Variants in CFAP100 observed in about 807,000 individuals in gnomAD.
The protein encoded by CFAP100 is cilia- and flagella-associated protein 100.
CFAP100 carries 70 observed loss-of-function variants against 81.5 expected under a neutral mutation model. The ratio of observed to expected loss-of-function variants is 0.86; its 90% confidence interval spans 0.71 to 1.05. The LOEUF (loss-of-function observed/expected upper bound fraction) is 1.05, where lower values mean the gene tolerates loss of function less well. Among genes scored for constraint, CFAP100 ranks in the 50% least tolerant of loss-of-function variants. The probability of loss-of-function intolerance (pLI) is 0.00; values close to 1 mark genes in which losing one functional copy is unlikely to be tolerated. For missense variants in CFAP100, 811 were observed against 776.5 expected (o/e 1.04, Z -0.53); for synonymous variants, 341 against 314.8 (o/e 1.08, Z -0.88).
chr3:126,423,764 G>C, intron 13 of CFAP100, 120 bp downstream of exon 13: 12 of 1,252,174 alleles, frequency 9.6e-6, no homozygotes, highest in Non-Finnish European at 1.3e-5. Flanking sequence ...GCCTGGTCCA[G>C]GTTGTCTGAA....
Position 126,436,484 on chromosome 3 carries a change from A to G in CFAP100, c.*80A>G, listed in dbSNP as rs1933451853. On this transcript the variant is annotated 3_prime_UTR_variant, in exon 17 of 17. Transcript: ENST00000352312. ...GAAGCAGAGACTGGGCTGGGTCTCG[A>G]GTGGCCCAACTGAGTCCTCTCTGTC... 1 of 1,044,796 alleles carries G rather than the reference A, an allele frequency of 9.6e-7. No homozygotes were observed. The highest frequency in any genetic ancestry group is 1.5e-6 in the Non-Finnish European group (1 of 689,016). 64.7% of individuals were successfully genotyped at this position (1,044,796 alleles called of 1,614,324 possible). A position where few individuals can be genotyped will look rare whatever the true frequency, so the allele number is the denominator to read the frequency against.
At chr3:126,396,971 G>A (rs2082899601) in intron 2 of CFAP100, among the ~76,000 whole-genome samples, 1 of 152,172 alleles carries the variant, frequency 6.6e-6, no homozygotes, top group Admixed American at 6.5e-5. Flanking sequence ...CCCTGTCAAA[G>A]GCATACAGTG....
At chr3:126,414,385 C>A in intron 4 of CFAP100, 1 of 675,498 alleles carries the variant, frequency 1.5e-6, no homozygotes, top group South Asian at 1.6e-5. Context: ...ATCTTCCCGT[C>A]TGTCACCACT....
chr3:126,399,584 GTCTC>G (rs906160697), intron 2 of CFAP100, among the ~76,000 whole-genome samples: 5 of 152,142 alleles, frequency 3.3e-5, no homozygotes, highest in African/African-American at 1.2e-4. Flanking sequence ...AAACCAGTTT[GTCTC>G]TGTTCACCAG....
chr3:126,411,340 T>C (rs1198080774), intron 3 of CFAP100, among the ~76,000 whole-genome samples: 1 of 150,408 alleles, frequency 6.6e-6, no homozygotes, highest in Non-Finnish European at 1.5e-5. Context: ...AACTGGTCTG[T>C]AGTTTTTTTT....
rs78360289 is a variant in CFAP100 at position 126,423,346 on chromosome 3, C to T, written c.1104C>T (p.Pro368=). Residue 368 remains proline (P), a synonymous_variant, in exon 12 of 17, where the codon CCC becomes CCT. Transcript: ENST00000352312. ...DSRGSNSPIP[P]TQEDTDSDGE... ...GCAGGTCGAACTCTCCCATCCCCCC[C>T]ACGCAGGAGGACACCGACAGCGATG... 2,508 of 1,613,632 alleles carry T rather than the reference C, an allele frequency of 1.6e-3. 34 individuals are homozygous for T. In the African/African-American group the frequency reaches 0.026, roughly 17 times the overall value.
rs182486140 is a variant in CFAP100, at chr3:126,416,538, G to A, written c.418+30G>A. 2.6e-5 allele frequency: 39 copies of A among 1,503,158 alleles called. 1 individual carries two copies. In the South Asian group the frequency reaches 3.6e-4, roughly 14 times the overall value. The allele number at this position is 1,503,158 out of a possible 1,614,324, so 93.1% of individuals were successfully genotyped here. ...GTCCCCTCCGGCGCGGGGGGACCTG[G>A]GCCAGTGGCGTCCCACAACCGCAGC... is the stretch of plus-strand genomic sequence containing the variant. On this transcript the variant is annotated intron_variant, in intron 5 of 16. Coordinates refer to ENST00000352312, the MANE Select transcript of CFAP100 (RefSeq NM_182628.3).
chr3:126,422,872 G>C (rs1327458702), intron 11 of CFAP100, among the ~76,000 whole-genome samples: 2 of 152,202 alleles, frequency 1.3e-5, no homozygotes, highest in East Asian at 1.9e-4. Context: ...CAGGTGCAGA[G>C]GCCTGGGGTA....
intron 2 of CFAP100, among the ~76,000 whole-genome samples, chr3:126,398,329 C>T (rs2082920628): frequency 6.6e-6 from 1 of 152,194 alleles, no homozygotes; most frequent in African/African-American, 2.4e-5. Flanking sequence ...TCCCTCTGGG[C>T]CAGAACCCTG....
In CFAP100 at chr3:126,419,059, C is replaced by A; in HGVS notation, c.651-17C>A. The stretch of plus-strand genomic sequence containing the variant: ...CCCCTTGCCCCCATCCCTCCTCCCC[C>A]GCCGCCCAACCCCTAGGGCTGAGAA... On this transcript the variant is annotated splice_polypyrimidine_tract_variant and intron_variant, in intron 7 of 16. Transcript: ENST00000352312. 2.7e-6 allele frequency: 4 copies of A among 1,464,164 alleles called. No homozygotes were observed. Among genetic ancestry groups the A allele is most frequent in the Admixed American group, 2.2e-5 (1 of 44,614 alleles). 90.7% of individuals were successfully genotyped at this position (1,464,164 alleles called of 1,614,324 possible). A position where few individuals can be genotyped will look rare whatever the true frequency, so the allele number is the denominator to read the frequency against.
At chr3:126,411,644 A>G (rs2083158501) in intron 3 of CFAP100, among the ~76,000 whole-genome samples, 1 of 151,472 alleles carries the variant, frequency 6.6e-6, no homozygotes, top group South Asian at 2.1e-4. Flanking sequence ...AATCTAGGAG[A>G]GTTGTGTGTT....
In CFAP100 at chr3:126,416,336, G is replaced by C; in HGVS notation, c.246G>C (p.Thr82=). 2 of 1,597,908 alleles carry C rather than the reference G, an allele frequency of 1.3e-6. No homozygotes were observed. The highest frequency in any genetic ancestry group is 1.7e-6 in the Non-Finnish European group (2 of 1,169,572). ...CCCAGGAACGGCAGCAGCAGAAGAC[G>C]ATGCGGGTGCACCAGAAGATGACCT... ...KALSERQQQK[T]MRVHQKMTYS... The change falls in exon 5 of 17, where the codon ACG becomes ACC. Residue 82 remains threonine (T), a synonymous_variant. Coordinates refer to ENST00000352312, the MANE Select transcript of CFAP100 (RefSeq NM_182628.3).
At chr3:126,433,508 A>C in intron 14 of CFAP100, 1 of 328,844 alleles carries the variant, frequency 3.0e-6, no homozygotes, top group Admixed American at 4.5e-5. Flanking sequence ...GCGTGTCCTC[A>C]AGCCAGGCTG....
Position 126,418,628 on chromosome 3 carries a change from G to A in CFAP100, c.504G>A (p.Lys168=). Residue 168 remains lysine (K), a synonymous_variant, in exon 7 of 17, where the codon AAG becomes AAA. Coordinates refer to ENST00000352312, the MANE Select transcript of CFAP100 (RefSeq NM_182628.3). ...MFLLQYALDV[K]RREIQRLETL... is the part of the protein sequence containing the mutation. ...GCCCCCAGTATGCCCTGGATGTCAA[G>A]CGGAGAGAGATCCAGCGGCTGGAGA... 1 of 1,602,392 alleles carries A rather than the reference G, an allele frequency of 6.2e-7. No individual in the cohort carries two copies. The highest frequency in any genetic ancestry group is 8.5e-7 in the Non-Finnish European group (1 of 1,174,606).
chr3:126,402,856 G>C (rs1192645868), intron 2 of CFAP100, among the ~76,000 whole-genome samples: 2 of 151,910 alleles, frequency 1.3e-5, no homozygotes, highest in Admixed American at 6.6e-5. Context: ...GGGAGTCCAG[G>C]TGGGGGCAAT....
intron 11 of CFAP100, among the ~76,000 whole-genome samples, chr3:126,421,169 A>AT (rs1192063077): frequency 2.0e-5 from 3 of 151,612 alleles, no homozygotes; most frequent in East Asian, 1.9e-4. Context: ...CACCCGGCTA[A>AT]TTTTTTGTAT....
At chr3:126,401,397 T>TTATATATATATATATATATA (rs58055481) in intron 2 of CFAP100, among the ~76,000 whole-genome samples, 1 of 76,188 alleles carries the variant, frequency 1.3e-5, no homozygotes, top group Non-Finnish European at 2.7e-5. Flanking sequence ...AAATCGTATT[T>TTATATATATATATATATATA]TATATATATA....
chr3:126,429,183 A>ACACCAT (rs891543745), intron 13 of CFAP100, among the ~76,000 whole-genome samples: 9 of 151,520 alleles, frequency 5.9e-5, no homozygotes, highest in Non-Finnish European at 1.2e-4. Flanking sequence ...GTCACCCATG[A>ACACCAT]CACCATGAGG....
At chr3:126,400,691 G>A (rs2082962268) in intron 2 of CFAP100, among the ~76,000 whole-genome samples, 1 of 152,088 alleles carries the variant, frequency 6.6e-6, no homozygotes, top group African/African-American at 2.4e-5. Flanking sequence ...GGCGGAGCTT[G>A]CAGTGAGCCA....
Sources: gnomAD v4.1 joint callset for allele counts (sites outside exome capture counted in the v4.1 genomes callset) on GRCh38, gnomAD v4.1.1 for gene constraint, MANE v1.5 for transcripts, NCBI Gene and HGNC (gene_info 2026-07-23, HGNC 2026-07-21) for gene names.